Variants in CSMD1 observed in about 807,000 individuals in gnomAD.
CSMD1 encodes CUB and Sushi multiple domains 1, also known as CUB and sushi domain-containing protein 1.
In CSMD1, 213 loss-of-function variants were observed where a neutral mutation model predicts 417.5. The observed-to-expected ratio is 0.51, with a 90% confidence interval of 0.46 to 0.57. The LOEUF (loss-of-function observed/expected upper bound fraction) is 0.57. CSMD1 is among the 20% of genes least tolerant of loss of function. The probability of loss-of-function intolerance (pLI) is 0.00; values close to 1 mark genes in which losing one functional copy is unlikely to be tolerated. For synonymous variants in CSMD1, 2,862 were observed against 1,736.8 expected, an observed-to-expected ratio of 1.65 and a Z score of -16.11; for missense variants, 6,923 against 4,529.7, an observed-to-expected ratio of 1.53 and a Z score of -15.17.
At chr8:4,286,979 C>G (rs544254706) in intron 3 of CSMD1, among the ~76,000 whole-genome samples, 1 of 152,230 alleles carries the variant, frequency 6.6e-6, no homozygotes, top group African/African-American at 2.4e-5. Flanking sequence ...AGGCTGACAT[C>G]CACGCCAAGT....
chr8:4,564,980 C>T (rs1260395333), intron 2 of CSMD1, among the ~76,000 whole-genome samples: 2 of 152,090 alleles, frequency 1.3e-5, no homozygotes, highest in Non-Finnish European at 2.9e-5. Flanking sequence ...GGTGCCTTGG[C>T]ATGGGGAACC....
At chr8:4,451,693 G>C (rs1799154854) in intron 2 of CSMD1, among the ~76,000 whole-genome samples, 1 of 152,052 alleles carries the variant, frequency 6.6e-6, no homozygotes, top group South Asian at 2.1e-4. Context: ...TGAAATATCA[G>C]TTCTTCCAGG....
intron 3 of CSMD1, among the ~76,000 whole-genome samples, chr8:4,139,546 C>G (rs893054975): frequency 6.6e-6 from 1 of 150,982 alleles, no homozygotes; most frequent in Non-Finnish European, 1.5e-5. Context: ...TCATCCTGCA[C>G]GACGATCTGC....
chr8:4,050,818 C>G (rs971109608), intron 3 of CSMD1, among the ~76,000 whole-genome samples: 1 of 152,142 alleles, frequency 6.6e-6, no homozygotes, highest in Admixed American at 6.5e-5. Context: ...ATCTTTATCT[C>G]AAGTGCCAAT....
chr8:3,665,350 C>A (rs1038989995), intron 7 of CSMD1, among the ~76,000 whole-genome samples: 11 of 152,008 alleles, frequency 7.2e-5, no homozygotes, highest in African/African-American at 2.7e-4. Flanking sequence ...GCCCATACGG[C>A]AACACCCCAT....
intron 5 of CSMD1, among the ~76,000 whole-genome samples, chr8:3,986,929 A>AT (rs1401487406): frequency 1.3e-5 from 2 of 151,874 alleles, no homozygotes; most frequent in African/African-American, 4.8e-5. Context: ...TAATTTTTGT[A>AT]TTTTTAGTAT....
chr8:4,327,595 T>C (rs1039893660), intron 3 of CSMD1, among the ~76,000 whole-genome samples: 12 of 152,050 alleles, frequency 7.9e-5, no homozygotes, highest in African/African-American at 2.7e-4. Context: ...TACAAAGATG[T>C]TACCAAGTCA....
At chr8:4,957,110 A>G (rs2117313032) in intron 1 of CSMD1, among the ~76,000 whole-genome samples, 1 of 152,314 alleles carries the variant, frequency 6.6e-6, no homozygotes, top group South Asian at 2.1e-4. Flanking sequence ...AATATAATAA[A>G]TCATGAAGAG....
At chr8:4,474,864 TTTC>T (rs1222157807) in intron 2 of CSMD1, among the ~76,000 whole-genome samples, 25 of 152,222 alleles carry the variant, frequency 1.6e-4, no homozygotes, top group African/African-American at 5.8e-4. Flanking sequence ...TCCTTATGAC[TTTC>T]TTAACATTAT....
chr8:4,765,641 C>A (rs1812413634), intron 1 of CSMD1, among the ~76,000 whole-genome samples: 1 of 152,178 alleles, frequency 6.6e-6, no homozygotes, highest in Admixed American at 6.6e-5. Flanking sequence ...AAACTGCTCA[C>A]TAAAGATATA....
intron 3 of CSMD1, among the ~76,000 whole-genome samples, chr8:4,316,261 G>A (rs544128192): frequency 3.9e-5 from 6 of 152,024 alleles, no homozygotes; most frequent in Admixed American, 3.3e-4. Flanking sequence ...TTTCATCCTC[G>A]AATCTGAATT....
At chr8:3,994,376 T>C (rs909977038) in intron 5 of CSMD1, among the ~76,000 whole-genome samples, 1 of 143,752 alleles carries the variant, frequency 7.0e-6, no homozygotes, top group Non-Finnish European at 1.5e-5. Flanking sequence ...AACTCAGAAA[T>C]GAAATCAATT....
At chr8:4,923,695 G>C (rs1006945602) in intron 1 of CSMD1, among the ~76,000 whole-genome samples, 1 of 152,102 alleles carries the variant, frequency 6.6e-6, no homozygotes, top group Admixed American at 6.6e-5. Context: ...CACTCAGTGG[G>C]ACTATCAGTG....
chr8:4,586,210 T>C (rs1230385073), intron 2 of CSMD1, among the ~76,000 whole-genome samples: 1 of 152,224 alleles, frequency 6.6e-6, no homozygotes, highest in African/African-American at 2.4e-5. Flanking sequence ...TAATAAATTA[T>C]TGTTAACTAT....
intron 1 of CSMD1, among the ~76,000 whole-genome samples, chr8:4,689,574 A>C (rs554372104): frequency 2.6e-4 from 39 of 152,336 alleles, no homozygotes; most frequent in African/African-American, 9.4e-4. Context: ...TACATTTTTG[A>C]AAAGCTGAAT....
At chr8:4,946,582 A>G (rs1291041312) in intron 1 of CSMD1, among the ~76,000 whole-genome samples, 2 of 152,178 alleles carry the variant, frequency 1.3e-5, no homozygotes, top group African/African-American at 4.8e-5. Context: ...AGTGAATAGA[A>G]CACTAAATTC....
intron 24 of CSMD1, 53 bp downstream of exon 24, chr8:3,308,259 A>C (rs1584971226): frequency 7.1e-7 from 1 of 1,407,186 alleles, no homozygotes; most frequent in Non-Finnish European, 9.8e-7. Flanking sequence ...AACATGGTGC[A>C]AGCACCCTAA....
chr8:3,703,417 C>CAA (rs1800981682), intron 7 of CSMD1, among the ~76,000 whole-genome samples: 1 of 152,046 alleles, frequency 6.6e-6, no homozygotes, highest in Non-Finnish European at 1.5e-5. Context: ...TTCCAAAGCA[C>CAA]AGAGATTCCT....
intron 1 of CSMD1, among the ~76,000 whole-genome samples, chr8:4,700,329 A>C (rs1010205840): frequency 1.3e-5 from 2 of 151,948 alleles, no homozygotes; most frequent in Non-Finnish European, 2.9e-5. Flanking sequence ...TTTTATCATT[A>C]ATCTATTATT....
Sources: allele counts gnomAD v4.1 joint callset (sites outside exome capture counted in the v4.1 genomes callset), GRCh38; gene constraint gnomAD v4.1.1; transcripts MANE v1.5; gene names NCBI Gene and HGNC (gene_info 2026-07-23, HGNC 2026-07-21).